CSMD1: variants seen among roughly 807,000 people sequenced by gnomAD.
The protein encoded by CSMD1 is CUB and sushi domain-containing protein 1.
A neutral mutation model predicts 417.5 loss-of-function variants in CSMD1; 213 were observed. That is an observed-to-expected ratio of 0.51 (90% CI 0.46 to 0.57). The LOEUF is 0.57. CSMD1 is among the 20% of genes least tolerant of loss of function. The pLI, the probability that CSMD1 is intolerant of heterozygous loss-of-function variation, is 0.00. For synonymous variants in CSMD1, 2,862 were observed against 1,736.8 expected, an observed-to-expected ratio of 1.65 and a Z score of -16.11; for missense variants, 6,923 against 4,529.7, an observed-to-expected ratio of 1.53 and a Z score of -15.17.
intron 1 of CSMD1, among the ~76,000 whole-genome samples, chr8:4,660,901 A>G (rs1364729801): frequency 1.3e-5 from 2 of 152,182 alleles, no homozygotes; most frequent in African/African-American, 4.8e-5. Flanking sequence ...AATGCAAATT[A>G]CAACTACAAT....
rs115691080 is a variant in CSMD1, at chr8:3,923,069, C to T, written c.818+74834G>A. On this transcript the variant is annotated intron_variant, in intron 5 of 69. Coordinates refer to ENST00000635120, the MANE Select transcript of CSMD1 (RefSeq NM_033225.6). ...AAAACAAGTTGACCCTTTTGTGTTC[C>T]TGGAGCCCAGTTGCGAAGGGCCCTT... Among the ~76,000 whole-genome samples, 676 of 152,240 alleles carry T rather than the reference C, an allele frequency of 4.4e-3. 5 individuals are homozygous for T. The highest frequency in any genetic ancestry group is 0.015 in the African/African-American group (631 of 41,540).
chr8:3,850,607 A>G (rs536373819), intron 5 of CSMD1, among the ~76,000 whole-genome samples: 247 of 152,292 alleles, frequency 1.6e-3, no homozygotes, highest in Non-Finnish European at 2.6e-3. Context: ...AGGCAGGAGA[A>G]TAACTTGAAC....
rs186507070 is a variant in CSMD1 at position 4,103,311 on chromosome 8, C to G, written c.416-71212G>C. Among the ~76,000 whole-genome samples the G allele has an allele frequency of 2.5e-3, 382 of 151,096 alleles. 5 individuals carry two copies. Among genetic ancestry groups the G allele is most frequent in the African/African-American group, 8.9e-3 (365 of 41,190 alleles). ...TATGACGTGTGTGTGCATATACACA[C>G]AGTGATCATCAATATTCTCCAGAGT... is the stretch of plus-strand genomic sequence containing the variant. On this transcript the variant is annotated intron_variant, in intron 3 of 69. Coordinates refer to ENST00000635120, the MANE Select transcript of CSMD1 (RefSeq NM_033225.6).
intron 1 of CSMD1, among the ~76,000 whole-genome samples, chr8:4,802,182 G>C (rs1798326395): frequency 6.6e-6 from 1 of 152,164 alleles, no homozygotes; most frequent in African/African-American, 2.4e-5. Context: ...GATTAGTTAT[G>C]CTATCTATAG....
chr8:4,148,401 G>C (rs778553458), intron 3 of CSMD1, among the ~76,000 whole-genome samples: 2 of 151,420 alleles, frequency 1.3e-5, no homozygotes, highest in Non-Finnish European at 2.9e-5. Context: ...ATAGCATTAG[G>C]AGATATACCT....
chr8:3,400,034 AAAC>A (rs944307178), intron 15 of CSMD1, among the ~76,000 whole-genome samples: 2 of 152,222 alleles, frequency 1.3e-5, no homozygotes, highest in Admixed American at 6.5e-5. Context: ...GTGTGAAACA[AAAC>A]AAAATGTTCA....
intron 12 of CSMD1, among the ~76,000 whole-genome samples, chr8:3,427,383 C>T (rs117778821): frequency 6.6e-6 from 1 of 152,186 alleles, no homozygotes; most frequent in Non-Finnish European, 1.5e-5. Flanking sequence ...AAGATGGTCC[C>T]TGTCTCCTAT....
In CSMD1 at chr8:4,484,171, G is replaced by C. The variant is rs79463839; in HGVS notation, c.303-64106C>G. 1.3e-3 allele frequency among the ~76,000 whole-genome samples: 203 copies of C among 150,544 alleles called. 6 individuals carry two copies. In the East Asian group the frequency reaches 0.036, roughly 27 times the overall value. On this transcript the variant is annotated intron_variant, in intron 2 of 69. Coordinates refer to ENST00000635120, the MANE Select transcript of CSMD1 (RefSeq NM_033225.6). ...GTGGAGGCCGCTTCCCTTATCAGTG[G>C]AGTGATTGGACTGCAGCTTGGATGA...
intron 3 of CSMD1, among the ~76,000 whole-genome samples, chr8:4,077,450 C>A (rs1410433810): frequency 1.3e-5 from 2 of 151,478 alleles, no homozygotes; most frequent in African/African-American, 4.9e-5. Flanking sequence ...GTATCCTATA[C>A]ATATCATTAC....
At chr8:4,392,147 CT>C (rs1235258632) in intron 3 of CSMD1, among the ~76,000 whole-genome samples, 1 of 152,202 alleles carries the variant, frequency 6.6e-6, no homozygotes, top group Non-Finnish European at 1.5e-5. Flanking sequence ...TTGCTGACCA[CT>C]GAAACTGTCA....
chr8:3,909,564 G>A (rs1393043058), intron 5 of CSMD1, among the ~76,000 whole-genome samples: 1 of 152,066 alleles, frequency 6.6e-6, no homozygotes, highest in African/African-American at 2.4e-5. Context: ...AGGGAGGTGG[G>A]TGCCTTTTCG....
At chr8:3,037,883 C>A (rs558387935) in intron 50 of CSMD1, among the ~76,000 whole-genome samples, 1 of 152,232 alleles carries the variant, frequency 6.6e-6, no homozygotes, top group Non-Finnish European at 1.5e-5. Flanking sequence ...CCAAGATTTC[C>A]AACTGAATCT....
At chr8:3,870,668 G>A (rs1380993436) in intron 5 of CSMD1, among the ~76,000 whole-genome samples, 3 of 152,014 alleles carry the variant, frequency 2.0e-5, no homozygotes, top group Non-Finnish European at 4.4e-5. Context: ...TTATTTACCT[G>A]AATATTAGAG....
chr8:3,503,081 C>T (rs1016786355), intron 10 of CSMD1, among the ~76,000 whole-genome samples: 1 of 152,172 alleles, frequency 6.6e-6, no homozygotes, highest in African/African-American at 2.4e-5. Flanking sequence ...ACAAAAATTA[C>T]ACATATAAGC....
intron 1 of CSMD1, among the ~76,000 whole-genome samples, chr8:4,689,511 C>T (rs1028544216): frequency 6.6e-6 from 1 of 152,098 alleles, no homozygotes; most frequent in African/African-American, 2.4e-5. Context: ...TGGATAACTT[C>T]TCAGAGAAGT....
chr8:4,356,236 T>C (rs910584613), intron 3 of CSMD1, among the ~76,000 whole-genome samples: 2 of 152,164 alleles, frequency 1.3e-5, no homozygotes, highest in Non-Finnish European at 2.9e-5. Flanking sequence ...TTACTTCACT[T>C]AGAACAATTG....
At chr8:3,683,179 T>G (rs944992737) in intron 7 of CSMD1, among the ~76,000 whole-genome samples, 3 of 151,788 alleles carry the variant, frequency 2.0e-5, no homozygotes, top group African/African-American at 7.3e-5. Flanking sequence ...ACTTGTACCC[T>G]AGAAGTATAA....
chr8:2,979,332 A>G (rs1489070726), intron 54 of CSMD1, among the ~76,000 whole-genome samples: 1 of 152,262 alleles, frequency 6.6e-6, no homozygotes, highest in Non-Finnish European at 1.5e-5. Flanking sequence ...AAATCAAGCC[A>G]GCCTCTGACT....
At position 3,274,919 on chromosome 8, in the gene CSMD1, T is replaced by C. The variant is rs548793519; in HGVS notation, c.4153+9225A>G. Among the ~76,000 whole-genome samples the C allele has an allele frequency of 3.9e-5, 6 of 152,280 alleles. 1 individual carries two copies. The South Asian group carries it at 1.0e-3, about 26-fold the overall frequency. The stretch of plus-strand genomic sequence containing the variant: ...TGTGTCTTTTAATTGGTGCATTTAG[T>C]CCATTTACATTTAAAGTTAATATTG... On this transcript the variant is annotated intron_variant, in intron 26 of 69. Coordinates refer to ENST00000635120, the MANE Select transcript of CSMD1 (RefSeq NM_033225.6).
Sources: allele counts gnomAD v4.1 joint callset (sites outside exome capture counted in the v4.1 genomes callset), GRCh38; gene constraint gnomAD v4.1.1; transcripts MANE v1.5; gene names NCBI Gene and HGNC (gene_info 2026-07-23, HGNC 2026-07-21).